Variants in ZNF512B observed in about 807,000 individuals in gnomAD.
ZNF512B encodes zinc finger protein 512B.
In ZNF512B, 22 loss-of-function variants were observed where a neutral mutation model predicts 87.8. That is an observed-to-expected ratio of 0.25 (90% CI 0.18 to 0.36). ZNF512B has a LOEUF of 0.36. Ranked by LOEUF, ZNF512B falls within the 10% of genes least tolerant of loss-of-function variation. The pLI is 1.00. For synonymous variants in ZNF512B, 524 were observed against 490.9 expected (o/e 1.07, Z -0.89); for missense variants, 1,060 against 1,231.6 (o/e 0.86, Z 2.09).
Position 63,962,592 on chromosome 20 carries a change from C to A in ZNF512B, c.2158G>T (p.Ala720Ser). Residue 720 changes from alanine to serine, a missense_variant, in exon 13 of 17, where the codon GCA (alanine) becomes TCA (serine). Ala to Ser is a moderately conservative substitution (Grantham distance 99, BLOSUM62 1). This residue lies in a region of ZNF512B where 253 missense variants were observed against 259.2 expected (regional missense o/e 0.98). Transcript: ENST00000369888. ...RMKDDLVPET[A>S]RLNYTRPGLP... is the part of the protein sequence containing the mutation. ...CCCTGGGGGGGGCAGCTCACCCGTG[C>A]GGTCTCGGGCACAAGGTCATCCTTC... 6.2e-7 allele frequency: 1 copy of A among 1,604,312 alleles called. No individual in the cohort carries two copies. The highest frequency in any genetic ancestry group is 8.5e-7 in the Non-Finnish European group (1 of 1,178,464).
rs1162187357 is a variant in ZNF512B at position 63,961,965 on chromosome 20, C to A, written c.2305G>T (p.Ala769Ser). 5.2e-6 allele frequency: 8 copies of A among 1,550,978 alleles called. No individual in the cohort carries two copies. The highest frequency in any genetic ancestry group is 7.0e-6 in the Non-Finnish European group (8 of 1,146,938). Residue 769 changes from alanine to serine, a missense_variant, in exon 15 of 17, where the codon GCT (alanine) becomes TCT (serine). By Grantham distance (99) the Ala-to-Ser change is moderately conservative. This residue lies in a region of ZNF512B where 253 missense variants were observed against 259.2 expected (regional missense o/e 0.98). Coordinates refer to ENST00000369888, the MANE Select transcript of ZNF512B (RefSeq NM_020713.3). This position sits in a 1 kb window ranked among gnomAD's most constrained non-coding sequence, Gnocchi z 6.4. ...ACCTTACTGCAGCTGGCGAGATGAG[C>A]CTTGAGTCCGGACACGCTGGAGTAG... ...AIYSSVSGLK[A>S]HLASCSKGAH...
At chr20:63,964,010 T>C (rs778109130) in intron 8 of ZNF512B, 61 bp downstream of exon 8, 37 of 1,593,918 alleles carry the variant, frequency 2.3e-5, no homozygotes, top group African/African-American at 2.7e-5. Flanking sequence ...CCCCCATCCC[T>C]GTGCTGTGGG....
At chr20:63,964,260 G>A in intron 7 of ZNF512B, 43 bp from the exon 8 acceptor site, 1 of 1,612,500 alleles carries the variant, frequency 6.2e-7, no homozygotes, top group South Asian at 1.1e-5. Flanking sequence ...GATGGGCTCA[G>A]GGGCTGTCAC....
Position 63,961,178 on chromosome 20 carries a change from C to T in ZNF512B, c.2427+131G>A. ...TTGAGGAGAAACTACCAGATTTCTC[C>T]ACATTGGCCACTCTCCCAGGCACAC... is the stretch of plus-strand genomic sequence containing the variant. On this transcript the variant is annotated intron_variant, in intron 16 of 16. Transcript: ENST00000369888. This position sits in a 1 kb window ranked among gnomAD's most constrained non-coding sequence, Gnocchi z 6.4. 1 of 774,010 alleles carries T rather than the reference C, an allele frequency of 1.3e-6. No homozygotes were observed. Among genetic ancestry groups the T allele is most frequent in the Non-Finnish European group, 2.1e-6 (1 of 469,614 alleles). 47.9% of individuals were successfully genotyped at this position (774,010 alleles called of 1,614,324 possible).
In ZNF512B at chr20:63,962,024, G is replaced by C. The variant is rs376588497; in HGVS notation, c.2266-20C>G. 1.3e-6 allele frequency: 2 copies of C among 1,550,644 alleles called. No homozygotes were observed. The highest frequency in any genetic ancestry group is 2.7e-5 in the African/African-American group (2 of 73,140). On this transcript the variant is annotated intron_variant, in intron 14 of 16. Coordinates refer to ENST00000369888, the MANE Select transcript of ZNF512B (RefSeq NM_020713.3). ...ACAGCACTGCAGGGAAGGGAGCCGT[G>C]GGCGAAGGCCTCTGGTGGGCACCCC...
chr20:63,969,396 G>A (rs566146325), intron 1 of ZNF512B, among the ~76,000 whole-genome samples: 58 of 152,126 alleles, frequency 3.8e-4, no homozygotes, highest in South Asian at 2.1e-3. Flanking sequence ...GCCGCGCTGC[G>A]CGCAGGAGAC....
chr20:63,961,482 A>C lies in ZNF512B; in HGVS notation c.2329-75T>G. The C allele has an allele frequency of 7.0e-7, 1 of 1,421,258 alleles. No homozygotes were observed. Among genetic ancestry groups the C allele is most frequent in the Non-Finnish European group, 9.8e-7 (1 of 1,018,148 alleles). The allele number at this position is 1,421,258 out of a possible 1,614,324, so 88.0% of individuals were successfully genotyped here. On this transcript the variant is annotated intron_variant, in intron 15 of 16. Coordinates refer to ENST00000369888, the MANE Select transcript of ZNF512B (RefSeq NM_020713.3). This position sits in a 1 kb window ranked among gnomAD's most constrained non-coding sequence, Gnocchi z 6.4. ...TGTCCTAAGCCCCTACTCATGGCTA[A>C]AGGGTCAGAGTCAGCGGTGGCCCAA...
In ZNF512B at chr20:63,966,657, G is replaced by A; in HGVS notation, c.518C>T (p.Pro173Leu). ...GGTGACCGGCCTGCTGATGGGCCCA[G>A]GCTTGGAGGCAGGCAGGGGTCGGTC... ...HMDRPLPASK[P>L]GPISRPVTIS... Residue 173 changes from proline to leucine, a missense_variant, in exon 5 of 17, where the codon CCT becomes CTT. Coordinates refer to ENST00000369888, the MANE Select transcript of ZNF512B (RefSeq NM_020713.3). 1 of 1,613,332 alleles carries A rather than the reference G, an allele frequency of 6.2e-7. No homozygotes were observed. Among genetic ancestry groups the A allele is most frequent in the Non-Finnish European group, 8.5e-7 (1 of 1,179,962 alleles).
chr20:63,963,156 C>A lies in ZNF512B; in HGVS notation c.1907G>T (p.Gly636Val). 1 of 1,551,138 alleles carries A rather than the reference C, an allele frequency of 6.4e-7. No individual in the cohort carries two copies. The highest frequency in any genetic ancestry group is 8.7e-7 in the Non-Finnish European group (1 of 1,154,378). ...DSPSFPCTHC[G>V]KTYRSKAGHD... ...GCCAGCCTTGGATCGGTACGTCTTG[C>A]CACAGTGGGTGCAGGGGAAGGAGGG... is the stretch of plus-strand genomic sequence containing the variant. The change falls in exon 12 of 17, where the codon GGC becomes GTC. Residue 636 changes from glycine to valine, a missense_variant. Physicochemically the swap from Gly to Val is moderately radical, Grantham distance 109 (BLOSUM62 -3). Around this residue, in one of 9 missense-constraint regions of ZNF512B, gnomAD observed 165 missense variants for 173.0 expected, o/e 0.95. Coordinates refer to ENST00000369888, the MANE Select transcript of ZNF512B (RefSeq NM_020713.3).
Position 63,966,374 on chromosome 20 carries a change from G to A in ZNF512B, c.801C>T (p.Thr267=), listed in dbSNP as rs756633700. 1.9e-6 allele frequency: 3 copies of A among 1,599,454 alleles called. No homozygotes were observed. The highest frequency in any genetic ancestry group is 3.4e-5 in the Admixed American group (2 of 58,586). ...TGGGTTTGGTGACAGGTACGGGTTTGGTGACCGGCACAGACTTGGTGACTG... is the reference window on the plus strand; with the variant it reads ...TGGGTTTGGTGACAGGTACGGGTTTAGTGACCGGCACAGACTTGGTGACTG... The part of the protein sequence containing the change: ...PITVTKSVPV[T]KPVPVTKPIT... The change falls in exon 5 of 17, where the codon ACC becomes ACT. Residue 267 remains threonine, a synonymous_variant. Transcript: ENST00000369888.
chr20:63,963,333 C>T lies in ZNF512B; in HGVS notation c.1797+9G>A. On this transcript the variant is annotated intron_variant, in intron 11 of 16. Transcript: ENST00000369888. ...CCCCCACCCCACACTGCCGCGGCCC[C>T]CCACTGACCTCCTGGGGGCAGCGCA... 1 of 1,539,860 alleles carries T rather than the reference C, an allele frequency of 6.5e-7. No individual in the cohort carries two copies. The highest frequency in any genetic ancestry group is 8.7e-7 in the Non-Finnish European group (1 of 1,147,128).
In ZNF512B at chr20:63,959,942, C is replaced by A. The variant is rs762784684; in HGVS notation, c.2625G>T (p.Gly875=). Residue 875 remains glycine, a synonymous_variant, in exon 17 of 17, where the codon GGG becomes GGT. Coordinates refer to ENST00000369888, the MANE Select transcript of ZNF512B (RefSeq NM_020713.3). The part of the protein sequence containing the change: ...DDWPPGCRDK[G]ARGSTGRKVG... ...CCTTCCGGCCGGTGGAGCCCCGGGCCCCCTTGTCTCTGCATCCTGGAGGCC... is the reference window on the plus strand; with the variant it reads ...CCTTCCGGCCGGTGGAGCCCCGGGCACCCTTGTCTCTGCATCCTGGAGGCC... 1 of 1,609,710 alleles carries A rather than the reference C, an allele frequency of 6.2e-7. No homozygotes were observed.
At chr20:63,964,434 T>C in intron 6 of ZNF512B, 43 bp from the exon 7 acceptor site, 1 of 1,613,686 alleles carries the variant, frequency 6.2e-7, no homozygotes, top group Non-Finnish European at 8.5e-7. Context: ...TCTGGTGAAA[T>C]AACCGTCAGG....
At chr20:63,962,946 G>A (rs763546144) in intron 12 of ZNF512B, 149 bp downstream of exon 12, 76 of 1,271,892 alleles carry the variant, frequency 6.0e-5, no homozygotes, top group Middle Eastern at 2.1e-4. Context: ...TCACCCTCCC[G>A]CCCACCAGGA....
intron 14 of ZNF512B, 99 bp from the exon 15 acceptor site, chr20:63,962,103 C>T: frequency 7.1e-7 from 1 of 1,416,832 alleles, no homozygotes; most frequent in Non-Finnish European, 9.7e-7. Flanking sequence ...CTCTTTGGGG[C>T]AAGTGAGGGG....
At chr20:63,962,190 C>T (rs2058860034) in intron 14 of ZNF512B, 83 bp downstream of exon 14, 2 of 1,451,208 alleles carry the variant, frequency 1.4e-6, no homozygotes, top group Non-Finnish European at 1.9e-6. Flanking sequence ...AAGCTCTCAG[C>T]CTCTGTTCCT....
rs889887477 is a variant in ZNF512B at position 63,960,040 on chromosome 20, T to G, written c.2527A>C (p.Lys843Gln). 6.2e-7 allele frequency: 1 copy of G among 1,613,828 alleles called. No individual in the cohort carries two copies. Among genetic ancestry groups the G allele is most frequent in the Non-Finnish European group, 8.5e-7 (1 of 1,180,022 alleles). Residue 843 changes from lysine to glutamine, a missense_variant, in exon 17 of 17, where the codon AAG becomes CAG. Physicochemically the swap from Lys to Gln is moderately conservative, Grantham distance 53. Coordinates refer to ENST00000369888, the MANE Select transcript of ZNF512B (RefSeq NM_020713.3). ...CGCTCCTTGGGCTTTCGGCCCCGCTTCTTTCCACCTGCCAGATTTTTCTTC... is the reference window on the plus strand; with the variant it reads ...CGCTCCTTGGGCTTTCGGCCCCGCTGCTTTCCACCTGCCAGATTTTTCTTC... ...EKKKNLAGGK[K>Q]RGRKPKERTP...
Position 63,964,598 on chromosome 20 carries a change from T to G in ZNF512B, c.1153A>C (p.Ser385Arg). The change falls in exon 6 of 17, where the codon AGC becomes CGC. Residue 385 changes from serine (S) to arginine (R), a missense_variant. By Grantham distance (110) the Ser-to-Arg change is moderately radical. Coordinates refer to ENST00000369888, the MANE Select transcript of ZNF512B (RefSeq NM_020713.3). The part of the protein sequence containing the change: ...SSAFQLSADT[S>R]SGSLSPGSRP... ...CTGCCTGGCGACAAGGAGCCACTGC[T>G]GGTGTCTGCACTCAGCTGGAAGGCC... 1.9e-6 allele frequency: 3 copies of G among 1,613,296 alleles called. No individual in the cohort carries two copies. The East Asian group carries it at 6.7e-5, about 36-fold the overall frequency.
intron 16 of ZNF512B, 101 bp from the exon 17 acceptor site, chr20:63,960,240 G>C: frequency 6.7e-7 from 1 of 1,499,694 alleles, no homozygotes. Context: ...TCAGGACCAG[G>C]CAAGCACCTG....
Sources: gnomAD v4.1 joint callset for allele counts (sites outside exome capture counted in the v4.1 genomes callset) on GRCh38, gnomAD v4.1.1 for gene constraint, gnomAD v4.1.1 regional missense constraint, Gnocchi (gnomAD v3.1) non-coding constraint, MANE v1.5 for transcripts, NCBI Gene and HGNC (gene_info 2026-07-23, HGNC 2026-07-21) for gene names.